Variants in TRAPPC9 observed in about 807,000 individuals in gnomAD.
TRAPPC9 encodes the protein trafficking protein particle complex subunit 9.
In TRAPPC9, 83 loss-of-function variants were observed where a neutral mutation model predicts 124.0. That is an observed-to-expected ratio of 0.67 (90% CI 0.56 to 0.80). TRAPPC9 has a LOEUF of 0.80. Ranked by LOEUF, TRAPPC9 falls within the 30% of genes least tolerant of loss-of-function variation. The probability of loss-of-function intolerance (pLI) is 0.00; values close to 1 mark genes in which losing one functional copy is unlikely to be tolerated. For synonymous variants in TRAPPC9, 638 were observed against 617.5 expected, an observed-to-expected ratio of 1.03 and a Z score of -0.49; for missense variants, 1,302 against 1,508.3, an observed-to-expected ratio of 0.86 and a Z score of 2.27.
intron 6 of TRAPPC9, among the ~76,000 whole-genome samples, chr8:140,400,962 A>AT (rs2069245444): frequency 6.6e-6 from 1 of 152,062 alleles, no homozygotes; most frequent in South Asian, 2.1e-4. Flanking sequence ...AACTGGACTG[A>AT]TTTTCAACTG....
At chr8:139,777,514 T>C (rs910909204) in intron 21 of TRAPPC9, among the ~76,000 whole-genome samples, 2 of 152,218 alleles carry the variant, frequency 1.3e-5, no homozygotes, top group Admixed American at 1.3e-4. Context: ...ATTTCCTGAA[T>C]GAGCAAATGA....
chr8:139,858,114 A>G (rs1486906726), intron 21 of TRAPPC9, among the ~76,000 whole-genome samples: 1 of 152,264 alleles, frequency 6.6e-6, no homozygotes, highest in Non-Finnish European at 1.5e-5. Context: ...TTGCCTTGAA[A>G]AATGAAATCT....
chr8:139,948,493 C>A (rs908813491), intron 19 of TRAPPC9, among the ~76,000 whole-genome samples: 16 of 152,204 alleles, frequency 1.1e-4, no homozygotes, highest in Non-Finnish European at 2.2e-4. Flanking sequence ...GCCAATGTGG[C>A]TAAGACAGAG....
At chr8:140,367,486 A>G (rs2068150592) in intron 8 of TRAPPC9, among the ~76,000 whole-genome samples, 1 of 152,228 alleles carries the variant, frequency 6.6e-6, no homozygotes, top group Non-Finnish European at 1.5e-5. Flanking sequence ...AAGGCTACAT[A>G]TTGTATGATT....
chr8:139,925,817 ACACGCACACG>A (rs1563926794), intron 19 of TRAPPC9, among the ~76,000 whole-genome samples: 3 of 92,070 alleles, frequency 3.3e-5, no homozygotes, highest in Admixed American at 9.9e-5. Context: ...ACGCACACGC[ACACGCACACG>A]CACACACACA....
At chr8:140,305,181 G>A (rs922268186) in intron 10 of TRAPPC9, among the ~76,000 whole-genome samples, 4 of 152,090 alleles carry the variant, frequency 2.6e-5, no homozygotes, top group Non-Finnish European at 5.9e-5. Context: ...TCACAATCAC[G>A]CTCTCTCCCA....
At chr8:139,980,576 C>T (rs1402463056) in intron 19 of TRAPPC9, among the ~76,000 whole-genome samples, 1 of 152,258 alleles carries the variant, frequency 6.6e-6, no homozygotes, top group Non-Finnish European at 1.5e-5. Flanking sequence ...CGGCTGGCCA[C>T]TGGCCATGCA....
intron 16 of TRAPPC9, among the ~76,000 whole-genome samples, chr8:140,246,682 GTTT>G (rs1563878775): frequency 6.6e-6 from 1 of 152,112 alleles, no homozygotes. Flanking sequence ...ACAGAGAACA[GTTT>G]AAAAATTACT....
chr8:140,150,941 C>G (rs963833445), intron 17 of TRAPPC9, among the ~76,000 whole-genome samples: 2 of 152,150 alleles, frequency 1.3e-5, no homozygotes, highest in African/African-American at 4.8e-5. Context: ...GAACGCTATC[C>G]TGAAAGACAG....
At chr8:140,038,328 A>G (rs543100580) in intron 17 of TRAPPC9, among the ~76,000 whole-genome samples, 2 of 152,202 alleles carry the variant, frequency 1.3e-5, no homozygotes, top group Non-Finnish European at 1.5e-5. Flanking sequence ...ACGGGCCTCC[A>G]GCACCTGCAA....
intron 16 of TRAPPC9, among the ~76,000 whole-genome samples, chr8:140,244,868 G>A (rs2063943308): frequency 3.0e-5 from 4 of 133,776 alleles, no homozygotes; most frequent in Admixed American, 2.5e-4. Context: ...GTGCAGTGGC[G>A]CAATCTCGGC....
At chr8:139,951,674 G>A (rs991090038) in intron 19 of TRAPPC9, among the ~76,000 whole-genome samples, 16 of 152,174 alleles carry the variant, frequency 1.1e-4, no homozygotes, top group African/African-American at 3.9e-4. Flanking sequence ...GTAGGCCTCT[G>A]TTCTTCTCAT....
intron 19 of TRAPPC9, chr8:139,914,060 T>C (rs2131297767): frequency 6.6e-6 from 1 of 152,464 alleles, no homozygotes; most frequent in South Asian, 2.1e-4. Context: ...GCCTGCGTGA[T>C]GGAAGGCGAG....
At chr8:139,935,779 C>CT (rs1214146865) in intron 19 of TRAPPC9, among the ~76,000 whole-genome samples, 1 of 151,360 alleles carries the variant, frequency 6.6e-6, no homozygotes, top group Non-Finnish European at 1.5e-5. Flanking sequence ...GCTATTATAG[C>CT]CTACCATTAT....
In TRAPPC9 at chr8:140,325,320, GAAAGA is replaced by G. The variant is rs2066707785; in HGVS notation, c.1496-13951_1496-13947del. Reference sequence around the variant, plus strand: ...AAGACATAAAATTAAATATAAAGTTGAAAGAAAATAACTAATGAAATAGGAAACAG... The same window carrying G: ...AAGACATAAAATTAAATATAAAGTTGAAATAACTAATGAAATAGGAAACAG... On this transcript the variant is annotated intron_variant, in intron 9 of 22. Coordinates refer to ENST00000438773, the MANE Select transcript of TRAPPC9 (RefSeq NM_001160372.4). 1.3e-5 allele frequency among the ~76,000 whole-genome samples: 2 copies of G among 152,012 alleles called. 1 individual carries two copies. Among genetic ancestry groups the G allele is most frequent in the South Asian group, 4.2e-4 (2 of 4,808 alleles).
intron 8 of TRAPPC9, among the ~76,000 whole-genome samples, chr8:140,369,269 C>T (rs1351690019): frequency 6.6e-6 from 1 of 152,134 alleles, no homozygotes; most frequent in Admixed American, 6.6e-5. Context: ...CAACCACAGA[C>T]ACGTAAGTTA....
chr8:140,311,132 C>A (rs2066284294), intron 10 of TRAPPC9, 116 bp downstream of exon 10: 1 of 1,282,838 alleles, frequency 7.8e-7, no homozygotes. Flanking sequence ...AGATAATGAA[C>A]CCGATACACA....
intron 15 of TRAPPC9, among the ~76,000 whole-genome samples, chr8:140,258,742 A>G (rs897353479): frequency 2.6e-5 from 4 of 152,262 alleles, no homozygotes; most frequent in Non-Finnish European, 2.9e-5. Flanking sequence ...GGGATAAGAG[A>G]GGCCAGGCCA....
intron 8 of TRAPPC9, among the ~76,000 whole-genome samples, chr8:140,366,282 T>C (rs989304736): frequency 1.3e-5 from 2 of 152,150 alleles, no homozygotes; most frequent in Non-Finnish European, 2.9e-5. Context: ...TAAATCATTC[T>C]ATTATAAAAT....
Sources: allele counts gnomAD v4.1 joint callset (sites outside exome capture counted in the v4.1 genomes callset), GRCh38; gene constraint gnomAD v4.1.1; transcripts MANE v1.5; gene names NCBI Gene and HGNC (gene_info 2026-07-23, HGNC 2026-07-21).